The following LRRC1 variants were observed in gnomAD, a reference collection of about 807,000 sequenced individuals.
The protein encoded by LRRC1 is leucine-rich repeat-containing protein 1.
A neutral mutation model predicts 69.9 loss-of-function variants in LRRC1; 28 were observed. That is an observed-to-expected ratio of 0.40 (90% CI 0.30 to 0.55). The LOEUF (loss-of-function observed/expected upper bound fraction) is 0.55, where lower values mean the gene tolerates loss of function less well. LRRC1 is among the 20% of genes least tolerant of loss of function. The pLI, the probability that LRRC1 is intolerant of heterozygous loss-of-function variation, is 0.47. For synonymous variants in LRRC1, 236 were observed against 240.2 expected (o/e 0.98, Z 0.16); for missense variants, 498 against 609.0 (o/e 0.82, Z 1.92).
At chr6:53,879,231 C>A (rs1175682266) in intron 3 of LRRC1, among the ~76,000 whole-genome samples, 160 bp downstream of exon 3, 1 of 152,042 alleles carries the variant, frequency 6.6e-6, no homozygotes, top group East Asian at 1.9e-4. Context: ...TATAAATAGC[C>A]CTGTACAATG....
chr6:53,799,302 T>G (rs1010649621), intron 1 of LRRC1, among the ~76,000 whole-genome samples: 1 of 152,234 alleles, frequency 6.6e-6, no homozygotes, highest in African/African-American at 2.4e-5. Context: ...ATATTTGCTT[T>G]CTTGTTCTTT....
At chr6:53,819,842 T>C (rs974186048) in intron 1 of LRRC1, among the ~76,000 whole-genome samples, 2 of 152,188 alleles carry the variant, frequency 1.3e-5, no homozygotes, top group Non-Finnish European at 2.9e-5. Flanking sequence ...GTCACTCCCC[T>C]CATCCTGGGC....
chr6:53,812,848 G>T (rs1486171174), intron 1 of LRRC1, among the ~76,000 whole-genome samples: 1 of 152,018 alleles, frequency 6.6e-6, no homozygotes. Flanking sequence ...GGGTGCCTTG[G>T]GGGTAGTGAG....
chr6:53,819,991 G>C (rs1242035025), intron 1 of LRRC1, among the ~76,000 whole-genome samples: 1 of 152,180 alleles, frequency 6.6e-6, no homozygotes, highest in Non-Finnish European at 1.5e-5. Flanking sequence ...ATCCCAGCAT[G>C]TTCATGCATG....
chr6:53,817,375 A>C (rs181398241), intron 1 of LRRC1, among the ~76,000 whole-genome samples: 3 of 149,908 alleles, frequency 2.0e-5, no homozygotes, highest in Non-Finnish European at 4.4e-5. Context: ...ATTTTTTAAT[A>C]TAATGTGAAA....
At position 53,795,175 on chromosome 6, in the gene LRRC1, TGAGCGGAGCCGCCGGCCA is replaced by T; in HGVS notation, c.-75_-58del. The T allele has an allele frequency of 1.5e-6, 2 of 1,297,408 alleles. No individual in the cohort carries two copies. Among genetic ancestry groups the T allele is most frequent in the Non-Finnish European group, 2.1e-6 (2 of 962,982 alleles). 80.4% of individuals were successfully genotyped at this position (1,297,408 alleles called of 1,614,324 possible). ...AACGAGCGCGGAGAGGGCAGCGGAC[TGAGCGGAGCCGCCGGCCA>T]GAGCGGGCTCGGAGCCCGGGTCTCC... On this transcript the variant is annotated 5_prime_UTR_variant, in exon 1 of 14. Transcript: ENST00000370888.
At chr6:53,903,616 G>A (rs1417274509) in intron 9 of LRRC1, among the ~76,000 whole-genome samples, 2 of 149,974 alleles carry the variant, frequency 1.3e-5, no homozygotes, top group Non-Finnish European at 1.5e-5. Context: ...TATAAATAGA[G>A]TAAGTAATGT....
Position 53,924,096 on chromosome 6 carries a change from G to T in LRRC1, c.*1303G>T, listed in dbSNP as rs1225799327. On this transcript the variant is annotated 3_prime_UTR_variant, in exon 14 of 14. Transcript: ENST00000370888. ...AAATCATATATATTTTTTTCTCCAA[G>T]AAATAAATTCATCCTGGACATTGGC... 6.6e-6 allele frequency: 1 copy of T among 152,622 alleles called. No individual in the cohort carries two copies. Among genetic ancestry groups the T allele is most frequent in the East Asian group, 1.9e-4 (1 of 5,200 alleles). The allele number at this position is 152,622 out of a possible 1,614,324, so 9.5% of individuals were successfully genotyped here. A position where few individuals can be genotyped will look rare whatever the true frequency, so the allele number is the denominator to read the frequency against.
chr6:53,853,441 C>T (rs944929844), intron 2 of LRRC1, among the ~76,000 whole-genome samples: 4 of 152,094 alleles, frequency 2.6e-5, no homozygotes, highest in South Asian at 2.1e-4. Flanking sequence ...CTCACCACCA[C>T]GCCCAGCTAA....
intron 2 of LRRC1, among the ~76,000 whole-genome samples, chr6:53,844,194 T>C (rs183526218): frequency 1.3e-5 from 2 of 152,350 alleles, no homozygotes; most frequent in Non-Finnish European, 2.9e-5. Context: ...ATGATTCTCT[T>C]GTCCTAGCAG....
intron 2 of LRRC1, among the ~76,000 whole-genome samples, chr6:53,867,344 A>G (rs894263597): frequency 4.6e-5 from 7 of 152,062 alleles, no homozygotes; most frequent in African/African-American, 1.7e-4. Flanking sequence ...ACCAGGAGAA[A>G]GAAATTGGTC....
At chr6:53,803,976 T>A (rs1014111587) in intron 1 of LRRC1, among the ~76,000 whole-genome samples, 1 of 152,148 alleles carries the variant, frequency 6.6e-6, no homozygotes, top group Non-Finnish European at 1.5e-5. Context: ...AATGAGCAGT[T>A]GTGAGGGCCA....
At chr6:53,873,934 T>G (rs1766982476) in intron 2 of LRRC1, among the ~76,000 whole-genome samples, 1 of 152,234 alleles carries the variant, frequency 6.6e-6, no homozygotes, top group Admixed American at 6.5e-5. Flanking sequence ...TTTCTCAGCC[T>G]TATAGACTGC....
intron 2 of LRRC1, among the ~76,000 whole-genome samples, chr6:53,858,037 A>G (rs1007924216): frequency 6.6e-6 from 1 of 152,198 alleles, no homozygotes; most frequent in Non-Finnish European, 1.5e-5. Context: ...TGCTGTTGCC[A>G]CTACAAGGCA....
chr6:53,796,096 G>C (rs1246501771), intron 1 of LRRC1, among the ~76,000 whole-genome samples: 1 of 152,234 alleles, frequency 6.6e-6, no homozygotes, highest in Non-Finnish European at 1.5e-5. Flanking sequence ...GTTGCGTGGT[G>C]GGAGCTGCGG....
At chr6:53,899,952 G>A (rs1429460952) in intron 8 of LRRC1, 61 bp downstream of exon 8, 1 of 1,534,692 alleles carries the variant, frequency 6.5e-7, no homozygotes, top group Non-Finnish European at 8.9e-7. Context: ...GAGGGTTTGG[G>A]GCACACTTTG....
intron 11 of LRRC1, among the ~76,000 whole-genome samples, chr6:53,916,909 G>T (rs1384970736): frequency 6.6e-6 from 1 of 152,144 alleles, no homozygotes; most frequent in Non-Finnish European, 1.5e-5. Context: ...TTACAGTTTG[G>T]TTATTCATTT....
At chr6:53,884,141 G>C in intron 4 of LRRC1, 1 of 613,028 alleles carries the variant, frequency 1.6e-6, no homozygotes, top group Non-Finnish European at 2.9e-6. Flanking sequence ...AGAAAACAGT[G>C]GTATTTTATT....
rs3813848 is a variant in LRRC1, at chr6:53,899,875, G to T, written c.771G>T (p.Thr257=). The change falls in exon 8 of 14, where the codon ACG becomes ACT. Residue 257 remains threonine (T), a synonymous_variant. Coordinates refer to ENST00000370888, the MANE Select transcript of LRRC1 (RefSeq NM_018214.5). ...TCATTTCCCAGAACTTATTAGAAACGATTCCGGATGGCATTGGTAAGCATT... is the reference window on the plus strand; with the variant it reads ...TCATTTCCCAGAACTTATTAGAAACTATTCCGGATGGCATTGGTAAGCATT... ...DLVISQNLLE[T]IPDGIGKLKK... The T allele has an allele frequency of 6.2e-7, 1 of 1,613,734 alleles. No individual in the cohort carries two copies. Among genetic ancestry groups the T allele is most frequent in the Admixed American group, 1.7e-5 (1 of 59,954 alleles).
Sources: allele counts gnomAD v4.1 joint callset (sites outside exome capture counted in the v4.1 genomes callset), GRCh38; gene constraint gnomAD v4.1.1; transcripts MANE v1.5; gene names NCBI Gene and HGNC (gene_info 2026-07-23, HGNC 2026-07-21).